KCNN3: variants seen among roughly 807,000 people sequenced by gnomAD.
KCNN3 encodes the protein potassium calcium-activated channel subfamily N member 3.
KCNN3 carries 16 observed loss-of-function variants against 62.9 expected under a neutral mutation model. The ratio of observed to expected loss-of-function variants is 0.25; its 90% CI spans 0.17 to 0.39. The LOEUF is 0.39. Among genes scored for constraint, KCNN3 ranks in the 10% least tolerant of loss-of-function variants. KCNN3 has a pLI of 1.00. For missense variants in KCNN3, 599 were observed against 949.4 expected (o/e 0.63, Z 4.85); for synonymous variants, 370 against 389.2 (o/e 0.95, Z 0.58).
At chr1:154,727,337 AC>A (rs1252319288) in intron 4 of KCNN3, among the ~76,000 whole-genome samples, 2 of 152,246 alleles carry the variant, frequency 1.3e-5, no homozygotes, top group Non-Finnish European at 2.9e-5. Context: ...ATCAGGTCTT[AC>A]AAAATGTGTG....
chr1:154,805,739 T>G (rs548401549), intron 2 of KCNN3, among the ~76,000 whole-genome samples: 97 of 152,272 alleles, frequency 6.4e-4, no homozygotes, highest in African/African-American at 2.2e-3. Context: ...TGTGTGACTT[T>G]GGGTATGTGA....
At chr1:154,771,378 T>G (rs972088962) in intron 3 of KCNN3, among the ~76,000 whole-genome samples, 1 of 152,164 alleles carries the variant, frequency 6.6e-6, no homozygotes, top group East Asian at 1.9e-4. Context: ...CAAACTAAGG[T>G]GCATATGAAT....
intron 2 of KCNN3, among the ~76,000 whole-genome samples, chr1:154,774,149 C>G (rs1648694927): frequency 1.3e-5 from 2 of 152,194 alleles, no homozygotes; most frequent in South Asian, 2.1e-4. Context: ...CTGCCTAGCA[C>G]CCAGCACACT....
At chr1:154,758,264 C>A (rs1257598737) in intron 3 of KCNN3, among the ~76,000 whole-genome samples, 1 of 152,202 alleles carries the variant, frequency 6.6e-6, no homozygotes, top group Non-Finnish European at 1.5e-5. Context: ...ATGGTAGAAC[C>A]AGGGGTCAAA....
chr1:154,711,442 A>G (rs559842253), intron 7 of KCNN3, among the ~76,000 whole-genome samples: 1 of 151,444 alleles, frequency 6.6e-6, no homozygotes, highest in South Asian at 2.1e-4. Flanking sequence ...ATGTATACAT[A>G]TGTAACAAAC....
intron 2 of KCNN3, among the ~76,000 whole-genome samples, chr1:154,783,915 C>T (rs1323480303): frequency 6.6e-6 from 1 of 152,158 alleles, no homozygotes; most frequent in Non-Finnish European, 1.5e-5. Context: ...AACCTAGAGG[C>T]CTTGGTCATG....
At chr1:154,757,151 C>G (rs6426915) in intron 3 of KCNN3, among the ~76,000 whole-genome samples, 50,596 of 152,098 alleles carry the variant, frequency 0.33, 9,130 homozygotes, top group African/African-American at 0.49. Flanking sequence ...TGAGATGTGT[C>G]CAGAGAGCAG....
chr1:154,744,942 T>A (rs74115856), intron 3 of KCNN3, among the ~76,000 whole-genome samples: 19,043 of 140,610 alleles, frequency 0.14, 1,377 homozygotes, highest in South Asian at 0.22. Flanking sequence ...AAAAAAAAAA[T>A]AGTTCGTTCT....
chr1:154,820,134 G>C (rs1234562225), intron 2 of KCNN3, among the ~76,000 whole-genome samples: 1 of 152,216 alleles, frequency 6.6e-6, no homozygotes, highest in Non-Finnish European at 1.5e-5. Flanking sequence ...TGGGACAATG[G>C]GTACCCAGCC....
intron 2 of KCNN3, among the ~76,000 whole-genome samples, chr1:154,797,836 C>A (rs1288824173): frequency 6.6e-6 from 1 of 152,186 alleles, no homozygotes; most frequent in African/African-American, 2.4e-5. Flanking sequence ...TCTGCCTGAG[C>A]AAGTCTCTGT....
At chr1:154,845,196 T>A (rs1652004519) in intron 1 of KCNN3, among the ~76,000 whole-genome samples, 1 of 152,128 alleles carries the variant, frequency 6.6e-6, no homozygotes, top group East Asian at 1.9e-4. Flanking sequence ...CACCTCAGAA[T>A]CCTTCCCAAC....
At chr1:154,726,116 G>A (rs959909341) in intron 4 of KCNN3, 90 bp from the exon 5 acceptor site, 3 of 929,690 alleles carry the variant, frequency 3.2e-6, no homozygotes, top group Non-Finnish European at 5.0e-6. Context: ...GGCCACGGGG[G>A]TAATTTCCTG....
intron 3 of KCNN3, among the ~76,000 whole-genome samples, chr1:154,765,812 T>C (rs1015934886): frequency 6.6e-6 from 1 of 151,194 alleles, no homozygotes; most frequent in African/African-American, 2.4e-5. Flanking sequence ...TTTTGTTTTG[T>C]TTTGTTTTGT....
chr1:154,855,456 T>C (rs1394052492), intron 1 of KCNN3, among the ~76,000 whole-genome samples: 1 of 152,178 alleles, frequency 6.6e-6, no homozygotes, highest in Non-Finnish European at 1.5e-5. Context: ...CCTATACAGG[T>C]GTAGTATTTT....
At chr1:154,811,626 T>G (rs1650411463) in intron 2 of KCNN3, among the ~76,000 whole-genome samples, 1 of 152,208 alleles carries the variant, frequency 6.6e-6, no homozygotes, top group South Asian at 2.1e-4. Context: ...ATTCTTTAAT[T>G]CAAAGGTAAA....
At chr1:154,833,597 C>G (rs987633020) in intron 1 of KCNN3, among the ~76,000 whole-genome samples, 1 of 152,208 alleles carries the variant, frequency 6.6e-6, no homozygotes, top group African/African-American at 2.4e-5. Context: ...CAAATTAAGG[C>G]CCAGAGAGGG....
intron 3 of KCNN3, among the ~76,000 whole-genome samples, chr1:154,757,156 G>A (rs529973286): frequency 6.6e-6 from 1 of 152,364 alleles, no homozygotes; most frequent in South Asian, 2.1e-4. Context: ...TGTGTCCAGA[G>A]AGCAGGAGAG....
At chr1:154,709,376 G>A (rs1045882318) in intron 7 of KCNN3, among the ~76,000 whole-genome samples, 1 of 152,114 alleles carries the variant, frequency 6.6e-6, no homozygotes, top group African/African-American at 2.4e-5. Context: ...AGGTACTGTG[G>A]CTCTTTGGGT....
chr1:154,764,927 C>T (rs1031812536), intron 3 of KCNN3, among the ~76,000 whole-genome samples: 1 of 152,164 alleles, frequency 6.6e-6, no homozygotes, highest in Non-Finnish European at 1.5e-5. Context: ...CAAAAGTAAA[C>T]TCCAAGAATG....
Sources: gnomAD v4.1 joint callset for allele counts (sites outside exome capture counted in the v4.1 genomes callset) on GRCh38, gnomAD v4.1.1 for gene constraint, MANE v1.5 for transcripts, NCBI Gene and HGNC (gene_info 2026-07-23, HGNC 2026-07-21) for gene names.